The following USO1 variants were observed in gnomAD, a reference collection of about 807,000 sequenced individuals.
USO1 encodes the protein general vesicular transport factor p115.
In USO1, 57 loss-of-function variants were observed where a neutral mutation model predicts 124.5. The ratio of observed to expected loss-of-function variants is 0.46; its 90% confidence interval spans 0.37 to 0.57. The LOEUF (loss-of-function observed/expected upper bound fraction) is 0.57. Among genes scored for constraint, USO1 ranks in the 20% least tolerant of loss-of-function variants. The pLI is 0.00. For synonymous variants in USO1, 369 were observed against 362.8 expected, an observed-to-expected ratio of 1.02 and a Z score of -0.19; for missense variants, 900 against 1,040.6, an observed-to-expected ratio of 0.86 and a Z score of 1.86.
At position 75,752,521 on chromosome 4, in the gene USO1, T is replaced by A. The variant is rs1721320761; in HGVS notation, c.154-19T>A. The A allele has an allele frequency of 2.5e-6, 1 of 398,398 alleles. No individual in the cohort carries two copies. Among genetic ancestry groups the A allele is most frequent in the Admixed American group, 4.4e-5 (1 of 22,706 alleles). The allele number at this position is 398,398 out of a possible 1,614,324, so 24.7% of individuals were successfully genotyped here. ...TGGATATTAGTTACTTTAGTAACAT[T>A]TTTATTTTTTATGTGCAGAAATACC... On this transcript the variant is annotated intron_variant, in intron 2 of 23. Transcript: ENST00000514213.
rs961272894 is a variant in USO1, at chr4:75,805,900, A to C, written c.2290-586A>C. Among the ~76,000 whole-genome samples, 9 of 152,282 alleles carry C rather than the reference A, an allele frequency of 5.9e-5. No individual in the cohort carries two copies. In the East Asian group the frequency reaches 1.2e-3, roughly 20 times the overall value. On this transcript the variant is annotated intron_variant, in intron 19 of 23. Transcript: ENST00000514213. ...TAATTTACTCTTCTAATAGATGGAA[A>C]TTATTTAATAAATGTTTGCTTTTAT...
Position 75,804,249 on chromosome 4 carries a change from A to G in USO1, c.2102A>G (p.Tyr701Cys). 1 of 1,612,138 alleles carries G rather than the reference A, an allele frequency of 6.2e-7. No individual in the cohort carries two copies. The highest frequency in any genetic ancestry group is 8.5e-7 in the Non-Finnish European group (1 of 1,179,026). ...VSQIQQHKDQYNLLKIQLGKD... is the reference protein window; with the variant it reads ...VSQIQQHKDQCNLLKIQLGKD... ...CAGATCCAGCAGCACAAAGACCAGT[A>G]TAATCTTCTTAAAATACAGCTAGGT... is the stretch of plus-strand genomic sequence containing the variant. Residue 701 changes from tyrosine (Y) to cysteine (C), a missense_variant, in exon 18 of 24, where the codon TAT becomes TGT. Coordinates refer to ENST00000514213, the MANE Select transcript of USO1 (RefSeq NM_003715.4).
chr4:75,797,209 A>G (rs892648148), intron 13 of USO1, among the ~76,000 whole-genome samples: 5 of 151,990 alleles, frequency 3.3e-5, no homozygotes, highest in East Asian at 1.9e-4. Context: ...TTATACTTCA[A>G]TGTTTATCTT....
In USO1 at chr4:75,791,884, A is replaced by G. The variant is rs149619873; in HGVS notation, c.1240+1087A>G. ...ACCCTGATGTAGTAGAATGATCAAA[A>G]TGTGGCATTTCCTTAAGTTTGTTTT... On this transcript the variant is annotated intron_variant, in intron 12 of 23. Transcript: ENST00000514213. Among the ~76,000 whole-genome samples the G allele has an allele frequency of 3.0e-3, 451 of 152,338 alleles. 1 individual carries two copies. Among genetic ancestry groups the G allele is most frequent in the African/African-American group, 0.01 (416 of 41,586 alleles).
intron 7 of USO1, 123 bp from the exon 8 acceptor site, chr4:75,774,553 A>G (rs775326584): frequency 9.6e-6 from 11 of 1,151,824 alleles, no homozygotes; most frequent in African/African-American, 3.1e-5. Flanking sequence ...TTCCTTATGT[A>G]TAAAGTAAAG....
At chr4:75,754,336 G>A (rs1019823567) in intron 3 of USO1, among the ~76,000 whole-genome samples, 1 of 151,786 alleles carries the variant, frequency 6.6e-6, no homozygotes, top group Non-Finnish European at 1.5e-5. Flanking sequence ...GCCCACCTCA[G>A]CCTCCCAAAG....
chr4:75,796,110 A>G (rs1371620220), intron 13 of USO1, among the ~76,000 whole-genome samples: 2 of 152,154 alleles, frequency 1.3e-5, no homozygotes, highest in Non-Finnish European at 1.5e-5. Context: ...ACACACATAC[A>G]TATTTTGCAG....
chr4:75,770,753 A>G (rs1184129954), intron 5 of USO1, 69 bp from the exon 6 acceptor site: 2 of 1,568,324 alleles, frequency 1.3e-6, no homozygotes, highest in Non-Finnish European at 1.7e-6. Context: ...AAAAGTTATT[A>G]GTGGAAAAAA....
chr4:75,735,485 A>G (rs1367375446), intron 1 of USO1, among the ~76,000 whole-genome samples: 1 of 152,052 alleles, frequency 6.6e-6, no homozygotes, highest in East Asian at 1.9e-4. Context: ...TACTTTCACC[A>G]TCCTAGTTCT....
chr4:75,778,770 A>G (rs1169381254), intron 8 of USO1, among the ~76,000 whole-genome samples: 1 of 152,190 alleles, frequency 6.6e-6, no homozygotes, highest in African/African-American at 2.4e-5. Flanking sequence ...TAAACTGTGG[A>G]CTTTAATTAA....
chr4:75,752,850 C>G (rs904194688), intron 3 of USO1, among the ~76,000 whole-genome samples: 7 of 151,978 alleles, frequency 4.6e-5, no homozygotes, highest in Non-Finnish European at 1.0e-4. Flanking sequence ...CATACTAAAG[C>G]TGTTAAGTTT....
At chr4:75,772,833 A>G (rs1242741060) in intron 7 of USO1, among the ~76,000 whole-genome samples, 1 of 152,172 alleles carries the variant, frequency 6.6e-6, no homozygotes, top group East Asian at 1.9e-4. Flanking sequence ...GTGGTGGCTT[A>G]TATCTGTAAT....
intron 13 of USO1, among the ~76,000 whole-genome samples, chr4:75,795,760 A>G (rs1373550553): frequency 6.6e-6 from 1 of 152,162 alleles, no homozygotes; most frequent in Admixed American, 6.5e-5. Flanking sequence ...TCTGATGATG[A>G]TTTTTATACT....
At chr4:75,778,134 A>G (rs1357736179) in intron 8 of USO1, among the ~76,000 whole-genome samples, 5 of 152,210 alleles carry the variant, frequency 3.3e-5, no homozygotes, top group African/African-American at 1.2e-4. Context: ...TGAATAACTT[A>G]GGATTTAGGG....
chr4:75,756,984 C>CATATGTAAACATACAT (rs1721465421), intron 3 of USO1, among the ~76,000 whole-genome samples: 1 of 151,802 alleles, frequency 6.6e-6, no homozygotes, highest in African/African-American at 2.4e-5. Flanking sequence ...TAAACATACA[C>CATATGTAAACATACAT]AGACACACAT....
At chr4:75,803,834 T>C (rs1722920287) in intron 17 of USO1, among the ~76,000 whole-genome samples, 1 of 152,120 alleles carries the variant, frequency 6.6e-6, no homozygotes, top group South Asian at 2.1e-4. Flanking sequence ...TGATGTAAAT[T>C]TTTAAATGGT....
At chr4:75,780,716 C>T (rs888149465) in intron 8 of USO1, among the ~76,000 whole-genome samples, 2 of 130,416 alleles carry the variant, frequency 1.5e-5, no homozygotes, top group South Asian at 2.5e-4. Flanking sequence ...GGTACAATCT[C>T]GGCTCATTGC....
At chr4:75,789,779 T>C (rs1374709610) in intron 10 of USO1, among the ~76,000 whole-genome samples, 1 of 152,168 alleles carries the variant, frequency 6.6e-6, no homozygotes, top group East Asian at 1.9e-4. Context: ...TTAAAACCTT[T>C]TTCTGTTTTT....
intron 4 of USO1, among the ~76,000 whole-genome samples, chr4:75,760,917 C>T (rs1258922310): frequency 6.6e-6 from 1 of 152,252 alleles, no homozygotes; most frequent in East Asian, 1.9e-4. Flanking sequence ...GAGGCCAAGG[C>T]GGGCAGATCA....
Sources: allele counts gnomAD v4.1 joint callset (sites outside exome capture counted in the v4.1 genomes callset), GRCh38; gene constraint gnomAD v4.1.1; transcripts MANE v1.5; gene names NCBI Gene and HGNC (gene_info 2026-07-23, HGNC 2026-07-21).